PCDH11Y: variants seen among roughly 807,000 people sequenced by gnomAD.
The protein encoded by PCDH11Y is protocadherin-11 Y-linked.
For missense variants in PCDH11Y, 12 were observed against 224.8 expected (o/e 0.05, Z 6.05); for synonymous variants, 9 against 83.6 (o/e 0.11, Z 4.87).
intron 3 of PCDH11Y, among the ~76,000 whole-genome samples, chrY:5,551,190 G>A (rs2578829): frequency 1.2e-4 from 4 of 32,849 alleles, no homozygotes; most frequent in East Asian, 8.1e-4. Context: ...ATACGTAAGC[G>A]AACACAATAT....
chrY:5,514,583 T>C, intron 3 of PCDH11Y, among the ~76,000 whole-genome samples: 1 of 31,750 alleles, frequency 3.1e-5, no homozygotes, highest in African/African-American at 1.2e-4. Flanking sequence ...ATTGAATATA[T>C]TGAAGATGAA....
chrY:5,286,898 A>G, intron 2 of PCDH11Y, among the ~76,000 whole-genome samples: 1 of 32,067 alleles, frequency 3.1e-5, no homozygotes, highest in African/African-American at 1.2e-4. Flanking sequence ...ATTTATTTCT[A>G]TTGTCTGATT....
chrY:5,707,631 G>A, intron 4 of PCDH11Y, among the ~76,000 whole-genome samples: 1 of 31,156 alleles, frequency 3.2e-5, no homozygotes. Context: ...TAGTGAGCCT[G>A]AAGACAGACT....
At chrY:5,274,185 GA>G (rs2053041177) in intron 2 of PCDH11Y, among the ~76,000 whole-genome samples, 6 of 32,695 alleles carry the variant, frequency 1.8e-4, no homozygotes, top group Non-Finnish European at 3.0e-4. Context: ...TTTATGGATA[GA>G]AAAAAATAGT....
intron 2 of PCDH11Y, among the ~76,000 whole-genome samples, chrY:5,385,660 A>G (rs2124675149): frequency 6.0e-5 from 2 of 33,547 alleles, no homozygotes; most frequent in East Asian, 1.6e-3. Flanking sequence ...CACTGCATCC[A>G]TGACAACATG....
intron 2 of PCDH11Y, among the ~76,000 whole-genome samples, chrY:5,189,429 G>T: frequency 9.0e-5 from 3 of 33,418 alleles, no homozygotes; most frequent in African/African-American, 3.5e-4. Context: ...CTACAGCTGT[G>T]CCTCTCTGGC....
intron 3 of PCDH11Y, among the ~76,000 whole-genome samples, chrY:5,575,262 G>A: frequency 3.2e-5 from 1 of 31,513 alleles, no homozygotes. Context: ...CCACAGAAGG[G>A]GGGGAAATAT....
At chrY:5,255,235 T>C in intron 2 of PCDH11Y, among the ~76,000 whole-genome samples, 1 of 31,622 alleles carries the variant, frequency 3.2e-5, no homozygotes. Flanking sequence ...ACCATCTGTC[T>C]ACTCTCAATG....
chrY:5,406,973 C>A (rs2053239334), intron 2 of PCDH11Y, among the ~76,000 whole-genome samples: 1 of 32,957 alleles, frequency 3.0e-5, no homozygotes, highest in Admixed American at 2.8e-4. Flanking sequence ...CACTGCACAC[C>A]TCCCTGCCAG....
chrY:5,500,240 A>C, intron 2 of PCDH11Y, among the ~76,000 whole-genome samples: 1 of 33,421 alleles, frequency 3.0e-5, no homozygotes, highest in East Asian at 8.2e-4. Flanking sequence ...GAAAGTCTGA[A>C]TATCAAGAGG....
intron 3 of PCDH11Y, among the ~76,000 whole-genome samples, chrY:5,045,659 A>G (rs2052634255): frequency 6.1e-5 from 2 of 32,525 alleles, no homozygotes; most frequent in African/African-American, 2.4e-4. Flanking sequence ...ATGTTGGCCT[A>G]CCTTGCTATA....
At chrY:5,642,539 A>G (rs2053523883) in intron 4 of PCDH11Y, among the ~76,000 whole-genome samples, 2 of 33,366 alleles carry the variant, frequency 6.0e-5, no homozygotes, top group Non-Finnish European at 1.5e-4. Flanking sequence ...CTAAAATTTT[A>G]TATTATTAAA....
At chrY:5,155,068 G>T (rs2124643921) in intron 2 of PCDH11Y, among the ~76,000 whole-genome samples, 1 of 32,591 alleles carries the variant, frequency 3.1e-5, no homozygotes, top group South Asian at 6.8e-4. Context: ...TGAATTCTAA[G>T]TCCACTTCTA....
intron 2 of PCDH11Y, among the ~76,000 whole-genome samples, chrY:5,315,419 C>T: frequency 1.2e-4 from 4 of 34,013 alleles, no homozygotes; most frequent in African/African-American, 2.3e-4. Context: ...TAATTGTCTG[C>T]AGCATCAAAC....
chrY:5,130,132 G>T, intron 2 of PCDH11Y, among the ~76,000 whole-genome samples: 1 of 33,100 alleles, frequency 3.0e-5, no homozygotes, highest in East Asian at 7.9e-4. Context: ...TCTATGTTTT[G>T]CTATTGGAAG....
At chrY:5,627,001 AT>A (rs1192730732) in intron 4 of PCDH11Y, among the ~76,000 whole-genome samples, 15 of 30,050 alleles carry the variant, frequency 5.0e-4, no homozygotes, top group Non-Finnish European at 6.5e-4. Flanking sequence ...CCACAGGAAC[AT>A]TTTTTTTTTA....
intron 2 of PCDH11Y, among the ~76,000 whole-genome samples, chrY:5,211,753 T>C: frequency 3.0e-5 from 1 of 33,029 alleles, no homozygotes; most frequent in Admixed American, 2.8e-4. Context: ...GAGATTCTCC[T>C]GCCTCAGCCT....
chrY:5,378,898 A>G (rs2053201998), intron 2 of PCDH11Y, among the ~76,000 whole-genome samples: 1 of 33,197 alleles, frequency 3.0e-5, no homozygotes, highest in Admixed American at 2.8e-4. Flanking sequence ...AAGCAACAAC[A>G]AAAAGATAGT....
intron 3 of PCDH11Y, among the ~76,000 whole-genome samples, chrY:5,517,189 T>C: frequency 3.0e-5 from 1 of 33,133 alleles, no homozygotes; most frequent in South Asian, 6.6e-4. Flanking sequence ...AAATGGTAAA[T>C]AGGACTGAGT....
Sources: allele counts gnomAD v4.1 joint callset (sites outside exome capture counted in the v4.1 genomes callset), GRCh38; gene constraint gnomAD v4.1.1; transcripts MANE v1.5; gene names NCBI Gene and HGNC (gene_info 2026-07-23, HGNC 2026-07-21).